Variants in RORA observed in about 807,000 individuals in gnomAD.
RORA encodes the protein nuclear receptor ROR-alpha.
RORA carries 7 observed loss-of-function variants against 69.5 expected under a neutral mutation model. The ratio of observed to expected loss-of-function variants is 0.10; its 90% CI spans 0.06 to 0.19. The LOEUF (loss-of-function observed/expected upper bound fraction) is 0.19. Among genes scored for constraint, RORA ranks in the 10% least tolerant of loss-of-function variants. RORA has a pLI of 1.00. For synonymous variants in RORA, 261 were observed against 240.8 expected (o/e 1.08, Z -0.78); for missense variants, 457 against 663.0 (o/e 0.69, Z 3.41).
intron 1 of RORA, among the ~76,000 whole-genome samples, chr15:60,736,598 G>C (rs1367532385): frequency 1.3e-5 from 2 of 152,108 alleles, no homozygotes; most frequent in Admixed American, 1.3e-4. Context: ...GTGATTTCCA[G>C]AGCATCTCTG....
chr15:60,581,762 GAATA>G (rs1161247529), intron 2 of RORA, among the ~76,000 whole-genome samples: 1 of 152,170 alleles, frequency 6.6e-6, no homozygotes, highest in African/African-American at 2.4e-5. Context: ...CTGTCTTTTT[GAATA>G]AATGTTTCAA....
intron 1 of RORA, among the ~76,000 whole-genome samples, chr15:60,836,816 C>T (rs978345646): frequency 6.6e-6 from 1 of 152,094 alleles, no homozygotes; most frequent in African/African-American, 2.4e-5. Flanking sequence ...CCTAAAATAT[C>T]CTCCAATCAG....
At chr15:61,217,157 G>A (rs992830588) in intron 1 of RORA, among the ~76,000 whole-genome samples, 1 of 152,204 alleles carries the variant, frequency 6.6e-6, no homozygotes, top group Non-Finnish European at 1.5e-5. Context: ...CAATGTGGAA[G>A]AGAGTATCTG....
At chr15:61,092,965 T>C (rs772164084) in intron 1 of RORA, among the ~76,000 whole-genome samples, 47 of 152,116 alleles carry the variant, frequency 3.1e-4, no homozygotes, top group Non-Finnish European at 5.7e-4. Flanking sequence ...TAGGTATAAA[T>C]AAAGTATGAC....
At chr15:60,552,220 C>T (rs949861324) in intron 2 of RORA, among the ~76,000 whole-genome samples, 5 of 152,192 alleles carry the variant, frequency 3.3e-5, no homozygotes, top group African/African-American at 1.2e-4. Context: ...TGTCTTTTTA[C>T]ATTTTCCTCA....
chr15:60,584,068 A>G (rs2068263545), intron 2 of RORA, among the ~76,000 whole-genome samples: 1 of 152,210 alleles, frequency 6.6e-6, no homozygotes, highest in African/African-American at 2.4e-5. Flanking sequence ...CCACTAGAGG[A>G]CTGGAGGACT....
chr15:60,568,284 A>G (rs775855355), intron 2 of RORA, among the ~76,000 whole-genome samples: 9 of 152,170 alleles, frequency 5.9e-5, no homozygotes, highest in Non-Finnish European at 8.8e-5. Context: ...CACCCACAGA[A>G]AGGTGGAACA....
intron 1 of RORA, among the ~76,000 whole-genome samples, chr15:60,874,915 C>G (rs2073597079): frequency 6.6e-6 from 1 of 152,124 alleles, no homozygotes; most frequent in South Asian, 2.1e-4. Flanking sequence ...CTATCTACAC[C>G]TCAGGAGACT....
At chr15:60,615,492 ACT>A (rs1025886311) in intron 2 of RORA, among the ~76,000 whole-genome samples, 2 of 152,096 alleles carry the variant, frequency 1.3e-5, no homozygotes, top group South Asian at 2.1e-4. Context: ...TAAGCAGGTA[ACT>A]CTGTACCGGG....
intron 1 of RORA, among the ~76,000 whole-genome samples, chr15:61,043,648 C>T (rs558779237): frequency 2.6e-5 from 4 of 152,124 alleles, no homozygotes; most frequent in African/African-American, 7.2e-5. Flanking sequence ...TTCCCTCCCA[C>T]GGCAGGTACA....
At chr15:61,083,491 C>A (rs1241113672) in intron 1 of RORA, among the ~76,000 whole-genome samples, 2 of 152,052 alleles carry the variant, frequency 1.3e-5, no homozygotes, top group East Asian at 1.9e-4. Context: ...AGGCTGAAAT[C>A]TCTCCATGTT....
intron 1 of RORA, among the ~76,000 whole-genome samples, chr15:60,735,847 AG>A (rs755242446): frequency 5.9e-5 from 9 of 152,224 alleles, no homozygotes; most frequent in Non-Finnish European, 1.0e-4. Context: ...AATATTGGGA[AG>A]CAGCAAAAGT....
intron 1 of RORA, among the ~76,000 whole-genome samples, chr15:60,989,054 T>C (rs1894293176): frequency 6.6e-6 from 1 of 152,220 alleles, no homozygotes; most frequent in Admixed American, 6.5e-5. Flanking sequence ...TCTTATTTTA[T>C]TTCTATTCAG....
chr15:61,123,320 G>A (rs1019734139), intron 1 of RORA, among the ~76,000 whole-genome samples: 3 of 152,048 alleles, frequency 2.0e-5, no homozygotes, highest in Non-Finnish European at 2.9e-5. Context: ...GATGGGAAAC[G>A]GCTTCGTTCA....
intron 1 of RORA, among the ~76,000 whole-genome samples, chr15:61,025,460 G>A (rs1438366827): frequency 6.6e-6 from 1 of 152,148 alleles, no homozygotes; most frequent in Non-Finnish European, 1.5e-5. Flanking sequence ...TATTTTCTGG[G>A]AGCTGTTGTC....
intron 1 of RORA, among the ~76,000 whole-genome samples, chr15:61,018,189 C>T (rs1895372545): frequency 6.6e-6 from 1 of 152,064 alleles, no homozygotes; most frequent in Admixed American, 6.5e-5. Context: ...TGTCCATAAT[C>T]CAGGCTCCTT....
intron 1 of RORA, among the ~76,000 whole-genome samples, chr15:60,816,908 T>C (rs1354856977): frequency 2.6e-5 from 4 of 152,204 alleles, no homozygotes; most frequent in Admixed American, 2.6e-4. Flanking sequence ...ACATTTTCTG[T>C]TTTAAATGAT....
intron 1 of RORA, chr15:60,848,299 G>A (rs2073288901): frequency 6.6e-6 from 1 of 152,264 alleles, no homozygotes; most frequent in African/African-American, 2.4e-5. Flanking sequence ...GAGACTCAAA[G>A]GAGGAAGAAT....
At chr15:60,780,143 G>T (rs2072232989) in intron 1 of RORA, among the ~76,000 whole-genome samples, 1 of 152,086 alleles carries the variant, frequency 6.6e-6, no homozygotes, top group South Asian at 2.1e-4. Context: ...TAGAGGGAGA[G>T]AATTTTCTTT....
Sources: allele counts gnomAD v4.1 joint callset (sites outside exome capture counted in the v4.1 genomes callset), GRCh38; gene constraint gnomAD v4.1.1; transcripts MANE v1.5; gene names NCBI Gene and HGNC (gene_info 2026-07-23, HGNC 2026-07-21).